The following EYS variants were observed in gnomAD, a reference collection of about 807,000 sequenced individuals.
EYS encodes protein eyes shut homolog.
EYS carries 250 observed loss-of-function variants against 282.1 expected under a neutral mutation model. That is an observed-to-expected ratio of 0.89 (90% CI 0.80 to 0.98). The LOEUF (loss-of-function observed/expected upper bound fraction) is 0.98, where lower values mean the gene tolerates loss of function less well. Ranked by LOEUF, EYS falls within the 50% of genes least tolerant of loss-of-function variation. The pLI, the probability that EYS is intolerant of heterozygous loss-of-function variation, is 0.00. For missense variants in EYS, 4,016 were observed against 3,709.0 expected (o/e 1.08, Z -2.15); for synonymous variants, 1,355 against 1,282.9 (o/e 1.06, Z -1.20).
At chr6:64,556,836 A>G (rs1052296701) in intron 26 of EYS, among the ~76,000 whole-genome samples, 2 of 151,962 alleles carry the variant, frequency 1.3e-5, no homozygotes, top group African/African-American at 4.8e-5. Context: ...AAAACCAAGG[A>G]CAATTAAAAC....
chr6:64,216,751 G>T (rs575228543), intron 31 of EYS, among the ~76,000 whole-genome samples: 21 of 152,274 alleles, frequency 1.4e-4, no homozygotes, highest in African/African-American at 5.1e-4. Context: ...TGCTTTCAGA[G>T]GCTGCTCCTT....
At chr6:64,850,089 C>T (rs1428095915) in intron 19 of EYS, among the ~76,000 whole-genome samples, 2 of 151,974 alleles carry the variant, frequency 1.3e-5, no homozygotes, top group East Asian at 1.9e-4. Context: ...TTAATTATAT[C>T]TTCCATGAAC....
chr6:64,812,203 G>A (rs1270808223), intron 22 of EYS, among the ~76,000 whole-genome samples: 1 of 150,892 alleles, frequency 6.6e-6, no homozygotes, highest in African/African-American at 2.4e-5. Context: ...CAGAAAGTAT[G>A]TTCAAAACAC....
chr6:65,533,427 C>T (rs2045085336), intron 2 of EYS, among the ~76,000 whole-genome samples: 1 of 152,088 alleles, frequency 6.6e-6, no homozygotes, highest in South Asian at 2.1e-4. Context: ...TGGTACCATT[C>T]CTTCTGAAAC....
intron 30 of EYS, among the ~76,000 whole-genome samples, chr6:64,235,005 G>A (rs1372605263): frequency 6.6e-6 from 1 of 151,884 alleles, no homozygotes; most frequent in Non-Finnish European, 1.5e-5. Flanking sequence ...AGCCTCCCGA[G>A]TAGCTGGGAT....
intron 35 of EYS, among the ~76,000 whole-genome samples, chr6:63,878,048 G>A (rs1172904692): frequency 6.6e-6 from 1 of 152,190 alleles, no homozygotes; most frequent in African/African-American, 2.4e-5. Context: ...AGGAGAAGAG[G>A]CACTCTGACT....
chr6:64,305,816 G>C (rs973476187), intron 30 of EYS, among the ~76,000 whole-genome samples: 1 of 152,118 alleles, frequency 6.6e-6, no homozygotes, highest in African/African-American at 2.4e-5. Flanking sequence ...CATAGAATTT[G>C]GCAGTTATTT....
At chr6:65,073,947 T>A (rs1773973120) in intron 12 of EYS, among the ~76,000 whole-genome samples, 1 of 151,662 alleles carries the variant, frequency 6.6e-6, no homozygotes, top group Non-Finnish European at 1.5e-5. Flanking sequence ...AATGAGGAGA[T>A]TGGTTAGTTT....
At chr6:63,815,888 C>A (rs1229587805) in intron 36 of EYS, among the ~76,000 whole-genome samples, 1 of 151,782 alleles carries the variant, frequency 6.6e-6, no homozygotes, top group Non-Finnish European at 1.5e-5. Flanking sequence ...AAGCAAAAAT[C>A]TAATAAGGAT....
intron 5 of EYS, among the ~76,000 whole-genome samples, chr6:65,435,129 C>T (rs547704491): frequency 6.6e-6 from 1 of 151,884 alleles, no homozygotes; most frequent in South Asian, 2.1e-4. Context: ...AGACAAATTA[C>T]TGTACCTATT....
intron 41 of EYS, among the ~76,000 whole-genome samples, chr6:63,746,902 G>A (rs139016432): frequency 2.0e-5 from 3 of 152,036 alleles, no homozygotes; most frequent in African/African-American, 7.2e-5. Flanking sequence ...TTATTGATTT[G>A]TTGAAGGGTT....
chr6:65,624,312 A>C (rs1766620611), intron 2 of EYS, among the ~76,000 whole-genome samples: 2 of 152,144 alleles, frequency 1.3e-5, no homozygotes, highest in Admixed American at 1.3e-4. Flanking sequence ...CAATCCCTTG[A>C]TATTGCACCT....
intron 38 of EYS, 32 bp from the exon 39 acceptor site, chr6:63,788,281 G>T (rs1423223243): frequency 2.7e-6 from 4 of 1,471,956 alleles, no homozygotes; most frequent in Non-Finnish European, 2.7e-6. Context: ...TATTAAAAAA[G>T]GAATTAATTC....
chr6:64,022,033 A>C (rs1769216518), intron 33 of EYS, among the ~76,000 whole-genome samples: 2 of 152,138 alleles, frequency 1.3e-5, no homozygotes, highest in Non-Finnish European at 2.9e-5. Context: ...ATGGATATTT[A>C]GATTATTTCC....
At chr6:65,164,960 A>G (rs1764938042) in intron 12 of EYS, among the ~76,000 whole-genome samples, 1 of 150,400 alleles carries the variant, frequency 6.6e-6, no homozygotes, top group African/African-American at 2.5e-5. Flanking sequence ...ATTTTAACTT[A>G]ATTAGTGCTA....
At chr6:65,534,838 C>T (rs1767907991) in intron 2 of EYS, among the ~76,000 whole-genome samples, 1 of 152,122 alleles carries the variant, frequency 6.6e-6, no homozygotes, top group Admixed American at 6.6e-5. Flanking sequence ...GAATAAACAA[C>T]TTTTACTTCT....
At chr6:64,193,865 G>A (rs867231081) in intron 31 of EYS, among the ~76,000 whole-genome samples, 6 of 152,168 alleles carry the variant, frequency 3.9e-5, no homozygotes, top group South Asian at 2.1e-4. Context: ...ATTCCATGGT[G>A]TATATGTGAC....
Position 64,686,767 on chromosome 6 carries a change from GTATA to G in EYS, c.3444-60526_3444-60523del, listed in dbSNP as rs556168281. Among the ~76,000 whole-genome samples, 162 of 17,736 alleles carry G rather than the reference GTATA, an allele frequency of 9.1e-3. 8 individuals carry two copies. Among genetic ancestry groups the G allele is most frequent in the East Asian group, 0.034 (27 of 792 alleles). The allele number at this position is 17,736 out of a possible 152,430, so 11.6% of individuals were successfully genotyped here. On this transcript the variant is annotated intron_variant, in intron 22 of 42. Transcript: ENST00000503581. ...AATATATATATATATATATATGTGT[GTATA>G]TATATATATATATATATGTGTGTAT...
intron 5 of EYS, among the ~76,000 whole-genome samples, chr6:65,440,130 A>T (rs992432396): frequency 6.6e-6 from 1 of 152,108 alleles, no homozygotes; most frequent in African/African-American, 2.4e-5. Flanking sequence ...GAACAAATGG[A>T]TAAATACAGA....
Sources: gnomAD v4.1 joint callset for allele counts (sites outside exome capture counted in the v4.1 genomes callset) on GRCh38, gnomAD v4.1.1 for gene constraint, MANE v1.5 for transcripts, NCBI Gene and HGNC (gene_info 2026-07-23, HGNC 2026-07-21) for gene names.